The following SPG7 variants were observed in gnomAD, a reference collection of about 807,000 sequenced individuals.
The protein encoded by SPG7 is mitochondrial inner membrane m-AAA protease component paraplegin.
Under a neutral mutation model 81.9 loss-of-function variants are expected in SPG7, and 103 were observed. The ratio of observed to expected loss-of-function variants is 1.26; its 90% CI spans 1.07 to 1.48. The LOEUF (loss-of-function observed/expected upper bound fraction) is 1.48. Ranked by LOEUF, SPG7 falls within the 40% of genes most tolerant of loss-of-function variation. The probability of loss-of-function intolerance (pLI) is 0.00; values close to 1 mark genes in which losing one functional copy is unlikely to be tolerated. For missense variants in SPG7, 1,241 were observed against 1,087.3 expected (o/e 1.14, Z -1.99); for synonymous variants, 534 against 444.2 (o/e 1.20, Z -2.54).
At chr16:89,552,772 G>A in intron 13 of SPG7, 2 of 615,608 alleles carry the variant, frequency 3.2e-6, no homozygotes, top group Middle Eastern at 4.4e-4. Context: ...TCCCGGCAGT[G>A]TGTGAACAGG....
At chr16:89,526,727 T>C (rs1413853957) in intron 5 of SPG7, 3 of 438,410 alleles carry the variant, frequency 6.8e-6, no homozygotes, top group Non-Finnish European at 1.3e-5. Flanking sequence ...GCCCCTGGTG[T>C]AGGATGCTGA....
chr16:89,544,545 G>GA (rs2058538643), intron 9 of SPG7, 103 bp from the exon 10 acceptor site: 1 of 1,374,886 alleles, frequency 7.3e-7, no homozygotes, highest in African/African-American at 1.4e-5. Flanking sequence ...CTGGGCCTTA[G>GA]GGGGGTCTCT....
At chr16:89,513,063 C>A in intron 3 of SPG7, 26 bp downstream of exon 3, 2 of 1,582,072 alleles carry the variant, frequency 1.3e-6, no homozygotes, top group South Asian at 2.3e-5. Context: ...GTTCTTCAGT[C>A]AGTAGCTGCC....
intron 14 of SPG7, 45 bp downstream of exon 14, chr16:89,553,180 C>T (rs2058653834): frequency 6.5e-7 from 1 of 1,547,912 alleles, no homozygotes; most frequent in Non-Finnish European, 8.8e-7. Context: ...GAGCGCTTTT[C>T]CCTGCATGAC....
intron 9 of SPG7, 55 bp downstream of exon 9, chr16:89,532,691 T>C: frequency 2.5e-6 from 4 of 1,605,336 alleles, no homozygotes; most frequent in South Asian, 1.1e-5. Flanking sequence ...GGTTTTCCGA[T>C]GTCTTTCAGA....
chr16:89,550,838 CTG>C (rs1330669319), intron 13 of SPG7, among the ~76,000 whole-genome samples: 1 of 152,188 alleles, frequency 6.6e-6, no homozygotes, highest in Non-Finnish European at 1.5e-5. Flanking sequence ...CAGGAGTGGG[CTG>C]TGTCACATCG....
Position 89,557,289 on chromosome 16 carries a change from C to A in SPG7, c.*196C>A. ...CTCTGCAGAAACTACTGACGGAGTC[C>A]TGTGTTTGTGAGTCGTTTCCCCTAT... On this transcript the variant is annotated 3_prime_UTR_variant, in exon 17 of 17. Transcript: ENST00000645818. 1.7e-6 allele frequency: 1 copy of A among 595,764 alleles called. No homozygotes were observed. Among genetic ancestry groups the A allele is most frequent in the Non-Finnish European group, 3.0e-6 (1 of 334,504 alleles). 36.9% of individuals were successfully genotyped at this position (595,764 alleles called of 1,614,324 possible).
intron 1 of SPG7, among the ~76,000 whole-genome samples, chr16:89,509,689 C>G (rs975601070): frequency 1.3e-5 from 2 of 152,168 alleles, no homozygotes; most frequent in Admixed American, 1.3e-4. Flanking sequence ...GTCTGGGCAG[C>G]CACTGTGGCC....
Position 89,508,482 on chromosome 16 carries a change from T to C in SPG7, c.65T>C (p.Leu22Pro). The C allele has an allele frequency of 3.3e-6, 5 of 1,508,948 alleles. No homozygotes were observed. The highest frequency in any genetic ancestry group is 4.4e-6 in the Non-Finnish European group (5 of 1,135,646). 93.5% of individuals were successfully genotyped at this position (1,508,948 alleles called of 1,614,324 possible). A position where few individuals can be genotyped will look rare whatever the true frequency, so the allele number is the denominator to read the frequency against. The change falls in exon 1 of 17, where the codon CTG becomes CCG. Residue 22 changes from leucine to proline, a missense_variant. By Grantham distance (98) the Leu-to-Pro change is moderately conservative (BLOSUM62 -3). Coordinates refer to ENST00000645818, the MANE Select transcript of SPG7 (RefSeq NM_003119.4). ...GGTCCAGGCCCGGGTCCTCGGCCGC[T>C]GTGGGGCCCAGGCCCGGCCTGGAGT... ...RRGPGPGPRP[L>P]WGPGPAWSPG...
At chr16:89,511,998 G>T (rs2058029875) in intron 2 of SPG7, among the ~76,000 whole-genome samples, 1 of 151,978 alleles carries the variant, frequency 6.6e-6, no homozygotes, top group African/African-American at 2.4e-5. Flanking sequence ...TGCAAGCTCT[G>T]CCTCCAGGAT....
intron 12 of SPG7, 58 bp downstream of exon 12, chr16:89,548,171 TACCC>T: frequency 8.3e-7 from 1 of 1,199,758 alleles, no homozygotes. Flanking sequence ...ACCCCAGAAA[TACCC>T]AGGCAGGTAT....
In SPG7 at chr16:89,512,992, A is replaced by G. The variant is rs1239421989; in HGVS notation, c.331A>G (p.Lys111Glu). The change falls in exon 3 of 17, where the codon AAG becomes GAG. Residue 111 changes from lysine to glutamate, a missense_variant. Lys to Glu is a moderately conservative substitution (Grantham distance 56). Transcript: ENST00000645818. ...FNTSRLKQKN[K>E]EKDKSKGKAP... Reference sequence around the variant, plus strand: ...CACCTCAAGGTTGAAGCAGAAGAATAAGGAGAAGGATAAGTCGAAGGGGAA... The same window carrying G: ...CACCTCAAGGTTGAAGCAGAAGAATGAGGAGAAGGATAAGTCGAAGGGGAA... The G allele has an allele frequency of 8.7e-6, 14 of 1,613,016 alleles. No individual in the cohort carries two copies. In the East Asian group the frequency reaches 2.9e-4, roughly 33 times the overall value.
intron 5 of SPG7, 54 bp from the exon 6 acceptor site, chr16:89,529,423 C>A: frequency 8.4e-7 from 1 of 1,186,222 alleles, no homozygotes; most frequent in Non-Finnish European, 1.2e-6. Flanking sequence ...TGGAAGCCTG[C>A]GTCTGTCACG....
At chr16:89,508,823 G>T in intron 1 of SPG7, 1 of 687,788 alleles carries the variant, frequency 1.5e-6, no homozygotes, top group South Asian at 1.5e-5. Context: ...GATCCGCGCA[G>T]TCCTCGGCGT....
chr16:89,516,112 C>G (rs957991549), intron 3 of SPG7, among the ~76,000 whole-genome samples: 1 of 152,040 alleles, frequency 6.6e-6, no homozygotes, highest in Non-Finnish European at 1.5e-5. Context: ...CTCAACCTCA[C>G]GAATAGCTGG....
At chr16:89,523,714 C>T (rs1323427109) in intron 3 of SPG7, 2 of 528,574 alleles carry the variant, frequency 3.8e-6, no homozygotes, top group East Asian at 4.9e-5. Context: ...AGGCGTGCAC[C>T]GTTGTGCCCA....
rs891543784 is a variant in SPG7, at chr16:89,508,517, C to A, written c.100C>A (p.Pro34Thr). 5 of 1,514,354 alleles carry A rather than the reference C, an allele frequency of 3.3e-6. No homozygotes were observed. The highest frequency in any genetic ancestry group is 2.3e-4 in the Middle Eastern group (1 of 4,334). 93.8% of individuals were successfully genotyped at this position (1,514,354 alleles called of 1,614,324 possible). Residue 34 changes from proline to threonine, a missense_variant, in exon 1 of 17, where the codon CCC becomes ACC. Coordinates refer to ENST00000645818, the MANE Select transcript of SPG7 (RefSeq NM_003119.4). ...GPGPAWSPGF[P>T]ARPGRGRPYM... is the part of the protein sequence containing the mutation. ...AGGCCCGGCCTGGAGTCCAGGGTTC[C>A]CCGCCAGGCCCGGGAGGGGGCGGCC...
At chr16:89,545,181 G>A (rs1357196428) in intron 10 of SPG7, 12 of 345,432 alleles carry the variant, frequency 3.5e-5, no homozygotes, top group African/African-American at 8.6e-5. Context: ...CATCCGTAGC[G>A]TGGGCTCTGG....
chr16:89,549,877 G>A (rs1398178972), intron 12 of SPG7: 5 of 172,218 alleles, frequency 2.9e-5, no homozygotes, highest in Admixed American at 1.1e-4. Flanking sequence ...CCCTTGCCCC[G>A]ACCCTGTGGC....
Sources: allele counts gnomAD v4.1 joint callset (sites outside exome capture counted in the v4.1 genomes callset), GRCh38; gene constraint gnomAD v4.1.1; transcripts MANE v1.5; gene names NCBI Gene and HGNC (gene_info 2026-07-23, HGNC 2026-07-21).